PIK3C2G: variants seen among roughly 807,000 people sequenced by gnomAD.
PIK3C2G encodes the protein phosphatidylinositol 3-kinase C2 domain-containing subunit gamma.
Under a neutral mutation model 181.1 loss-of-function variants are expected in PIK3C2G, and 168 were observed. That is an observed-to-expected ratio of 0.93 (90% confidence interval 0.82 to 1.05). The LOEUF is 1.05. Among genes scored for constraint, PIK3C2G ranks in the 50% least tolerant of loss-of-function variants. The pLI, the probability that PIK3C2G is intolerant of heterozygous loss-of-function variation, is 0.00. For missense variants in PIK3C2G, 1,869 were observed against 1,732.8 expected (o/e 1.08, Z -1.40); for synonymous variants, 573 against 592.2 (o/e 0.97, Z 0.47).
intron 1 of PIK3C2G, among the ~76,000 whole-genome samples, chr12:18,273,281 G>A (rs574702627): frequency 9.0e-4 from 137 of 152,198 alleles, no homozygotes; most frequent in African/African-American, 3.2e-3. Context: ...TCACATAGTT[G>A]TAGATATACG....
chr12:18,488,075 GT>G (rs1345436282), intron 18 of PIK3C2G, among the ~76,000 whole-genome samples: 2 of 152,214 alleles, frequency 1.3e-5, no homozygotes, highest in East Asian at 3.9e-4. Context: ...TGATGTTTGA[GT>G]CTCCATATAG....
intron 8 of PIK3C2G, among the ~76,000 whole-genome samples, chr12:18,336,558 T>G (rs951605457): frequency 6.6e-6 from 1 of 152,178 alleles, no homozygotes; most frequent in Non-Finnish European, 1.5e-5. Flanking sequence ...TTTGATTCTA[T>G]TTAATTGTGA....
At chr12:18,687,540 C>A in the PIK3C2G span, among the ~76,000 whole-genome samples, 1 of 152,066 alleles carries the variant, frequency 6.6e-6, no homozygotes, top group Non-Finnish European at 1.5e-5. Context: ...TCATAGCATG[C>A]CAGAATGATG....
chr12:18,407,142 A>G (rs1174920423), intron 16 of PIK3C2G, among the ~76,000 whole-genome samples: 1 of 152,140 alleles, frequency 6.6e-6, no homozygotes, highest in Admixed American at 6.6e-5. Flanking sequence ...CATTCTTATC[A>G]TGAATCCTTC....
the PIK3C2G span, among the ~76,000 whole-genome samples, chr12:18,684,801 T>C: frequency 2.6e-5 from 4 of 152,006 alleles, no homozygotes; most frequent in Admixed American, 1.3e-4. Context: ...TGAATTGTAA[T>C]CCCCAGGTGT....
chr12:18,630,532 G>C (rs1459659275), intron 31 of PIK3C2G, among the ~76,000 whole-genome samples: 1 of 152,028 alleles, frequency 6.6e-6, no homozygotes, highest in Non-Finnish European at 1.5e-5. Context: ...ATGGGGTTAG[G>C]GTAGTAGGGT....
the PIK3C2G span, chr12:18,688,061 A>T: frequency 6.2e-7 from 1 of 1,607,444 alleles, no homozygotes; most frequent in African/African-American, 1.3e-5. Flanking sequence ...GTCTAATGGA[A>T]ATTCAATAAG....
the PIK3C2G span, among the ~76,000 whole-genome samples, chr12:18,677,050 C>G: frequency 2.0e-4 from 31 of 152,146 alleles, no homozygotes; most frequent in South Asian, 1.7e-3. Flanking sequence ...GAGAGTGATT[C>G]TTTCCCAAAA....
chr12:18,569,063 A>G (rs1945789145), intron 29 of PIK3C2G, among the ~76,000 whole-genome samples: 1 of 151,942 alleles, frequency 6.6e-6, no homozygotes, highest in South Asian at 2.1e-4. Flanking sequence ...CAACCTCTTG[A>G]TCCCAAGAGG....
chr12:18,696,949 T>TAC, the PIK3C2G span, among the ~76,000 whole-genome samples: 1 of 152,160 alleles, frequency 6.6e-6, no homozygotes, highest in Admixed American at 6.6e-5. Context: ...GGAACAAACA[T>TAC]ACACACACAG....
the PIK3C2G span, chr12:18,696,354 T>C: frequency 4.4e-5 from 7 of 159,442 alleles, 1 homozygote; most frequent in Admixed American, 2.3e-4. Flanking sequence ...ATATATATCA[T>C]ATAATTCTAT....
chr12:18,705,098 C>A, the PIK3C2G span: 3 of 1,567,036 alleles, frequency 1.9e-6, no homozygotes, highest in African/African-American at 1.4e-5. Flanking sequence ...GTTTCACAGG[C>A]CAATATAACA....
intron 29 of PIK3C2G, among the ~76,000 whole-genome samples, chr12:18,586,993 G>A (rs139873997): frequency 5.9e-5 from 9 of 152,116 alleles, no homozygotes; most frequent in African/African-American, 2.2e-4. Context: ...AAAGGCGTTT[G>A]ATAAAATTCA....
At chr12:18,423,644 C>A (rs1945615574) in intron 17 of PIK3C2G, among the ~76,000 whole-genome samples, 1 of 152,078 alleles carries the variant, frequency 6.6e-6, no homozygotes, top group Admixed American at 6.6e-5. Context: ...ATTTAATAAT[C>A]CAGGACTTTT....
chr12:18,458,513 T>G (rs1947746045), intron 18 of PIK3C2G, among the ~76,000 whole-genome samples: 1 of 152,022 alleles, frequency 6.6e-6, no homozygotes, highest in South Asian at 2.1e-4. Flanking sequence ...GTGGGAAGAA[T>G]TCTAAGATGG....
chr12:18,492,884 C>T (rs1940700248), intron 20 of PIK3C2G, among the ~76,000 whole-genome samples: 2 of 152,142 alleles, frequency 1.3e-5, no homozygotes, highest in African/African-American at 4.8e-5. Context: ...CTATATAGCA[C>T]CCTACGGTTA....
chr12:18,659,619 G>A, the PIK3C2G span, among the ~76,000 whole-genome samples: 1 of 149,088 alleles, frequency 6.7e-6, no homozygotes. Flanking sequence ...TCATTTACGT[G>A]TCAGGCCTCT....
chr12:18,672,840 T>C, the PIK3C2G span, among the ~76,000 whole-genome samples: 1 of 152,086 alleles, frequency 6.6e-6, no homozygotes, highest in Non-Finnish European at 1.5e-5. Flanking sequence ...ATGTAGTCCA[T>C]TCAGGGCTAC....
intron 26 of PIK3C2G, among the ~76,000 whole-genome samples, chr12:18,556,557 A>G (rs1173731474): frequency 1.3e-5 from 2 of 152,170 alleles, no homozygotes; most frequent in Non-Finnish European, 2.9e-5. Flanking sequence ...CTTAAAACTG[A>G]TATCTTCATG....
Sources: gnomAD v4.1 joint callset for allele counts (sites outside exome capture counted in the v4.1 genomes callset) on GRCh38, gnomAD v4.1.1 for gene constraint, MANE v1.5 for transcripts, NCBI Gene and HGNC (gene_info 2026-07-23, HGNC 2026-07-21) for gene names.